The following TAB3 variants were observed in gnomAD, a reference collection of about 807,000 sequenced individuals.
The protein encoded by TAB3 is TGF-beta-activated kinase 1 and MAP3K7-binding protein 3.
TAB3 carries 18 observed loss-of-function variants against 48.1 expected under a neutral mutation model. The ratio of observed to expected loss-of-function variants is 0.37; its 90% CI spans 0.26 to 0.55. The LOEUF (loss-of-function observed/expected upper bound fraction) is 0.55. Ranked by LOEUF, TAB3 falls within the 20% of genes least tolerant of loss-of-function variation. The probability of loss-of-function intolerance (pLI) is 0.78; values close to 1 mark genes in which losing one functional copy is unlikely to be tolerated. For missense variants in TAB3, 414 were observed against 549.8 expected, an observed-to-expected ratio of 0.75 and a Z score of 2.47; for synonymous variants, 185 against 190.2, an observed-to-expected ratio of 0.97 and a Z score of 0.22.
rs1171370947 is a variant in TAB3, at chrX:30,831,120, TAACA to T, written c.*303_*306del. On this transcript the variant is annotated 3_prime_UTR_variant, in exon 11 of 11. Transcript: ENST00000288422. Reference sequence around the variant, plus strand: ...AATAAGGGCCACTCAGCAGTAACTTTAACAATTGGGATTCCACCACAGAAGAGCT... The same window carrying T: ...AATAAGGGCCACTCAGCAGTAACTTTATTGGGATTCCACCACAGAAGAGCT... 4.7e-6 allele frequency: 1 copy of T among 214,691 alleles called. No homozygotes were observed. The highest frequency in any genetic ancestry group is 8.3e-6 in the Non-Finnish European group (1 of 119,974). 17.7% of individuals were successfully genotyped at this position (214,691 alleles called of 1,213,427 possible).
chrX:30,881,668 G>A lies in TAB3; in HGVS notation c.-383+7446C>T, dbSNP rs772755123. 9.0e-5 allele frequency among the ~76,000 whole-genome samples: 10 copies of A among 111,415 alleles called. No individual in the cohort carries two copies. In the South Asian group the frequency reaches 2.2e-3, roughly 25 times the overall value. On this transcript the variant is annotated intron_variant, in intron 1 of 10. Transcript: ENST00000288422. ...GATCTTGTAGGTTTTTGTTAAACAA[G>A]AGGGTTTTTACATCTTAGAAGTTAA...
chrX:30,855,886 T>G (rs962395054), intron 5 of TAB3, among the ~76,000 whole-genome samples: 1 of 112,005 alleles, frequency 8.9e-6, no homozygotes, highest in Non-Finnish European at 1.9e-5. Context: ...ACTTGTTGCA[T>G]CTCAACAAAT....
rs2041820450 is a variant in TAB3 at position 30,828,875 on chromosome X, T to C, written c.*2552A>G. 8.9e-6 allele frequency: 1 copy of C among 112,112 alleles called. No individual in the cohort carries two copies. Among genetic ancestry groups the C allele is most frequent in the African/African-American group, 3.2e-5 (1 of 30,815 alleles). 9.2% of individuals were successfully genotyped at this position (112,112 alleles called of 1,213,427 possible). A position where few individuals can be genotyped will look rare whatever the true frequency, so the allele number is the denominator to read the frequency against. On this transcript the variant is annotated 3_prime_UTR_variant, in exon 11 of 11. Coordinates refer to ENST00000288422, the MANE Select transcript of TAB3 (RefSeq NM_152787.5). ...TCCTTTTGAAAAGGCATCTTGAAAG[T>C]TGGGTGAATTCTTGTTCAAACTGGT...
At chrX:30,871,487 C>A (rs1939660709) in intron 2 of TAB3, among the ~76,000 whole-genome samples, 1 of 111,899 alleles carries the variant, frequency 8.9e-6, no homozygotes, top group African/African-American at 3.3e-5. Flanking sequence ...GTAACTCCCA[C>A]TAGCAGTAGT....
chrX:30,833,603 G>A (rs942467165), intron 10 of TAB3, among the ~76,000 whole-genome samples: 5 of 110,036 alleles, frequency 4.5e-5, no homozygotes, highest in Admixed American at 9.6e-5. Flanking sequence ...AGGCTGAGGC[G>A]GGTGGATCAC....
chrX:30,878,247 T>A (rs1458116781), intron 1 of TAB3, among the ~76,000 whole-genome samples: 2 of 111,344 alleles, frequency 1.8e-5, no homozygotes, highest in Non-Finnish European at 3.8e-5. Flanking sequence ...TCCCAGCACT[T>A]TGGGAGGCCG....
At chrX:30,842,850 T>C (rs754211083) in intron 9 of TAB3, 116 bp downstream of exon 9, 13 of 440,357 alleles carry the variant, frequency 3.0e-5, no homozygotes, top group African/African-American at 2.6e-4. Flanking sequence ...AATAAAAATA[T>C]GGTAACTTTA....
rs748735194 is a variant in TAB3 at position 30,854,510 on chromosome X, T to G, written c.1155A>C (p.Ser385=). The G allele has an allele frequency of 1.7e-6, 2 of 1,208,964 alleles. No individual in the cohort carries two copies. The highest frequency in any genetic ancestry group is 2.2e-6 in the Non-Finnish European group (2 of 894,610). The change falls in exon 6 of 11, where the codon TCA becomes TCC. Residue 385 remains serine (S), a synonymous_variant. Coordinates refer to ENST00000288422, the MANE Select transcript of TAB3 (RefSeq NM_152787.5). The part of the protein sequence containing the change: ...RPGTAINRSP[S]PISNQPSPRN... Reference sequence around the variant, plus strand: ...GTGGAGATGGTTGATTACTGATGGGTGAAGGACTCCTATTAATTGCTGTCC... The same window carrying G: ...GTGGAGATGGTTGATTACTGATGGGGGAAGGACTCCTATTAATTGCTGTCC...
At chrX:30,841,541 C>A (rs1028060455) in intron 9 of TAB3, among the ~76,000 whole-genome samples, 6 of 110,548 alleles carry the variant, frequency 5.4e-5, no homozygotes, top group African/African-American at 2.0e-4. Flanking sequence ...AAAAAACACT[C>A]TGTAATGAGC....
intron 10 of TAB3, among the ~76,000 whole-genome samples, chrX:30,833,659 G>A (rs1292816751): frequency 4.6e-5 from 5 of 109,044 alleles, no homozygotes; most frequent in African/African-American, 6.7e-5. Context: ...GTGAAACCCC[G>A]TCTCTACTAA....
chrX:30,859,866 C>A (rs1222486238), intron 4 of TAB3, 188 bp from the exon 5 acceptor site: 2 of 345,314 alleles, frequency 5.8e-6, no homozygotes, highest in African/African-American at 5.3e-5. Context: ...CTTACCCTCA[C>A]AGAAACACTA....
At chrX:30,848,864 TCA>T (rs1416636888) in intron 7 of TAB3, among the ~76,000 whole-genome samples, 1 of 109,512 alleles carries the variant, frequency 9.1e-6, no homozygotes, top group Non-Finnish European at 1.9e-5. Context: ...TGGCTGGGAC[TCA>T]GTTATGCCTC....
intron 7 of TAB3, among the ~76,000 whole-genome samples, chrX:30,850,291 A>G (rs1476585441): frequency 8.9e-6 from 1 of 111,755 alleles, no homozygotes; most frequent in African/African-American, 3.3e-5. Context: ...CAATTTCTCA[A>G]TCTGGGGGAT....
At chrX:30,871,876 T>C (rs1299041998) in intron 1 of TAB3, 75 bp from the exon 2 acceptor site, 11 of 112,075 alleles carry the variant, frequency 9.8e-5, no homozygotes, top group Non-Finnish European at 1.9e-5. Flanking sequence ...GCAAGTGATA[T>C]AGTGTATGAA....
intron 10 of TAB3, among the ~76,000 whole-genome samples, chrX:30,833,825 C>T (rs779347593): frequency 1.6e-4 from 12 of 73,626 alleles, no homozygotes; most frequent in East Asian, 4.0e-4. Context: ...AGCGAGACTC[C>T]GTCTCAAAAA....
At chrX:30,859,343 T>C (rs1051552719) in intron 5 of TAB3, 144 bp downstream of exon 5, 2 of 379,220 alleles carry the variant, frequency 5.3e-6, no homozygotes, top group African/African-American at 7.4e-5. Flanking sequence ...AGTGCCAAGG[T>C]TGAGGGAAAT....
At chrX:30,877,487 C>A (rs1248683228) in intron 1 of TAB3, among the ~76,000 whole-genome samples, 3 of 112,007 alleles carry the variant, frequency 2.7e-5, no homozygotes, top group South Asian at 7.4e-4. Flanking sequence ...TACAGGACAA[C>A]AATATGTATG....
At chrX:30,860,985 CAT>C (rs774881072) in intron 4 of TAB3, among the ~76,000 whole-genome samples, 43 of 112,079 alleles carry the variant, frequency 3.8e-4, no homozygotes, top group South Asian at 1.1e-3. Flanking sequence ...TACATACAAA[CAT>C]GTGTACATGC....
intron 1 of TAB3, among the ~76,000 whole-genome samples, chrX:30,872,840 G>A (rs1293718797): frequency 8.9e-6 from 1 of 112,126 alleles, no homozygotes; most frequent in Non-Finnish European, 1.9e-5. Context: ...ATGACCAGAT[G>A]ATATGTGCCT....
Sources: gnomAD v4.1 joint callset for allele counts (sites outside exome capture counted in the v4.1 genomes callset) on GRCh38, gnomAD v4.1.1 for gene constraint, MANE v1.5 for transcripts, NCBI Gene and HGNC (gene_info 2026-07-23, HGNC 2026-07-21) for gene names.